The following DCUN1D5 variants were observed in gnomAD, a reference collection of about 807,000 sequenced individuals.
DCUN1D5 encodes the protein DCN1-like protein 5.
A neutral mutation model predicts 38.3 loss-of-function variants in DCUN1D5; 10 were observed. That is an observed-to-expected ratio of 0.26 (90% confidence interval 0.16 to 0.44). The LOEUF is 0.44. Among genes scored for constraint, DCUN1D5 ranks in the 20% least tolerant of loss-of-function variants. The pLI, the probability that DCUN1D5 is intolerant of heterozygous loss-of-function variation, is 1.00. For synonymous variants in DCUN1D5, 93 were observed against 90.9 expected (o/e 1.02, Z -0.13); for missense variants, 148 against 275.3 (o/e 0.54, Z 3.27).
chr11:103,090,481 T>G (rs1006165032), intron 1 of DCUN1D5, among the ~76,000 whole-genome samples: 3 of 152,204 alleles, frequency 2.0e-5, no homozygotes, highest in African/African-American at 7.2e-5. Context: ...TTTAAGCAGA[T>G]CTCTCTTTAA....
chr11:103,076,207 C>T (rs191451985), intron 4 of DCUN1D5, among the ~76,000 whole-genome samples: 65 of 152,128 alleles, frequency 4.3e-4, no homozygotes, highest in African/African-American at 1.4e-3. Flanking sequence ...CAGGACCTGA[C>T]ATATAGCACT....
intron 2 of DCUN1D5, among the ~76,000 whole-genome samples, chr11:103,088,595 A>G (rs1591230952): frequency 1.3e-5 from 2 of 152,148 alleles, no homozygotes; most frequent in East Asian, 3.9e-4. Context: ...CTCCCATGAC[A>G]CTTTAAAAGC....
Position 103,057,779 on chromosome 11 carries a change from C to T in DCUN1D5, c.*4580G>A, listed in dbSNP as rs912594327. ...TATTCTACACAAAACACACACAGCTCACAGAGTTTTGGGGAAATCTGGCTC... is the reference window on the plus strand; with the variant it reads ...TATTCTACACAAAACACACACAGCTTACAGAGTTTTGGGGAAATCTGGCTC... On this transcript the variant is annotated 3_prime_UTR_variant, in exon 8 of 8. Transcript: ENST00000260247. This position sits in a 1 kb window ranked among gnomAD's most constrained non-coding sequence, Gnocchi z 4.8. Among the ~76,000 whole-genome samples the T allele has an allele frequency of 1.3e-5, 2 of 151,868 alleles. No individual in the cohort carries two copies. The highest frequency in any genetic ancestry group is 4.8e-5 in the African/African-American group (2 of 41,316).
chr11:103,068,945 G>A (rs1028958332), intron 4 of DCUN1D5, among the ~76,000 whole-genome samples: 6 of 152,088 alleles, frequency 3.9e-5, no homozygotes, highest in African/African-American at 1.2e-4. Context: ...GAGTGACAGG[G>A]ATAGAAATTT....
In DCUN1D5 at chr11:103,060,363, G is replaced by T. The variant is rs150291987; in HGVS notation, c.*1996C>A. Among the ~76,000 whole-genome samples the T allele has an allele frequency of 4.5e-4, 69 of 152,254 alleles. No homozygotes were observed. In the East Asian group the frequency reaches 0.013, roughly 28 times the overall value. ...TGCAAAGTAAATACTGTTGACCCTT[G>T]AACAGCATGAGTTTGAACTGTGTGG... On this transcript the variant is annotated 3_prime_UTR_variant, in exon 8 of 8. Transcript: ENST00000260247.
rs944260382 is a variant in DCUN1D5, at chr11:103,077,954, A to G, written c.341+4794T>C. Among the ~76,000 whole-genome samples, 3 of 152,156 alleles carry G rather than the reference A, an allele frequency of 2.0e-5. No homozygotes were observed. The highest frequency in any genetic ancestry group is 7.2e-5 in the African/African-American group (3 of 41,438). On this transcript the variant is annotated intron_variant, in intron 4 of 7. Transcript: ENST00000260247. This position sits in a 1 kb window ranked among gnomAD's most constrained non-coding sequence, Gnocchi z 4.3. ...TAGTTGGGCCCCAAATGCTAAATGA[A>G]TGACAGTCACATCACACACGATGGC... is the stretch of plus-strand genomic sequence containing the variant.
chr11:103,083,066 A>G lies in DCUN1D5; in HGVS notation c.249+190T>C, dbSNP rs1033997024. 2.0e-5 allele frequency among the ~76,000 whole-genome samples: 3 copies of G among 152,064 alleles called. No individual in the cohort carries two copies. Among genetic ancestry groups the G allele is most frequent in the Non-Finnish European group, 4.4e-5 (3 of 67,880 alleles). Reference sequence around the variant, plus strand: ...GGTAGAATCTCTTATTCTATTACATATAACATTTGTATCAAGAAAGAATAC... The same window carrying G: ...GGTAGAATCTCTTATTCTATTACATGTAACATTTGTATCAAGAAAGAATAC... On this transcript the variant is annotated intron_variant, in intron 3 of 7. Transcript: ENST00000260247. This position sits in a 1 kb window ranked among gnomAD's most constrained non-coding sequence, Gnocchi z 4.4.
intron 1 of DCUN1D5, among the ~76,000 whole-genome samples, chr11:103,090,670 TGGGAGGCC>T (rs924231223): frequency 1.3e-5 from 2 of 152,186 alleles, no homozygotes; most frequent in Admixed American, 6.5e-5. Context: ...CCCAGCACTT[TGGGAGGCC>T]GAGGCGGGCG....
At chr11:103,072,337 A>ACTAGATCTAGATCTAGATCTAGAT (rs59688664) in intron 4 of DCUN1D5, among the ~76,000 whole-genome samples, 37 of 145,774 alleles carry the variant, frequency 2.5e-4, no homozygotes, top group Non-Finnish European at 3.4e-4. Context: ...AGGATCTAGA[A>ACTAGATCTAGATCTAGATCTAGAT]CTAGATCTAG....
Position 103,091,843 on chromosome 11 carries a change from A to C in DCUN1D5, c.30T>G (p.Pro10=), listed in dbSNP as rs753528464. MPVKKKRKS[P]GVAAAVAEDG... is the part of the protein sequence containing the mutation. ...CTTCCGCTACTGCTGCTGCCACCCC[A>C]GGGGATTTTCTCTTCTTCTTCACCG... The change falls in exon 1 of 8, where the codon CCT becomes CCG. Residue 10 remains proline, a synonymous_variant. Transcript: ENST00000260247. This position sits in a 1 kb window ranked among gnomAD's most constrained non-coding sequence, Gnocchi z 4.3. 93 of 1,613,814 alleles carry C rather than the reference A, an allele frequency of 5.8e-5. No homozygotes were observed. The highest frequency in any genetic ancestry group is 6.9e-5 in the Non-Finnish European group (82 of 1,179,882).
At chr11:103,075,051 G>A (rs1313401084) in intron 4 of DCUN1D5, among the ~76,000 whole-genome samples, 9 of 152,196 alleles carry the variant, frequency 5.9e-5, no homozygotes, top group Admixed American at 5.9e-4. Context: ...AAATCTGCAA[G>A]ACAGAAGATG....
chr11:103,075,635 C>T (rs1862390400), intron 4 of DCUN1D5, among the ~76,000 whole-genome samples: 1 of 152,144 alleles, frequency 6.6e-6, no homozygotes, highest in African/African-American at 2.4e-5. Context: ...CCGCCTCAAA[C>T]CCCAAAGTGC....
rs1288033109 is a variant in DCUN1D5, at chr11:103,071,146, G to A, written c.342-4579C>T. 6.6e-6 allele frequency among the ~76,000 whole-genome samples: 1 copy of A among 151,930 alleles called. No homozygotes were observed. The highest frequency in any genetic ancestry group is 1.5e-5 in the Non-Finnish European group (1 of 67,944). On this transcript the variant is annotated intron_variant, in intron 4 of 7. Transcript: ENST00000260247. The surrounding 1 kb of genome is among the most constrained non-coding windows in gnomAD (Gnocchi z 4.1). The stretch of plus-strand genomic sequence containing the variant: ...TCAACAATCTAAGCTTGTACCTCTA[G>A]AACCCAGAAAAAGAAAGGCAAAATA...
rs940537333 is a variant in DCUN1D5 at position 103,059,977 on chromosome 11, CTT to C, written c.*2380_*2381del. On this transcript the variant is annotated 3_prime_UTR_variant, in exon 8 of 8. Coordinates refer to ENST00000260247, the MANE Select transcript of DCUN1D5 (RefSeq NM_032299.4). ...CAAAAAAGGAACCACAACAGTTAGA[CTT>C]TTTTATACTGCAGGGTCCTTAATAT... Among the ~76,000 whole-genome samples the C allele has an allele frequency of 2.6e-5, 4 of 152,112 alleles. No individual in the cohort carries two copies. Among genetic ancestry groups the C allele is most frequent in the Non-Finnish European group, 5.9e-5 (4 of 68,020 alleles).
chr11:103,072,633 C>T (rs773684758), intron 4 of DCUN1D5, among the ~76,000 whole-genome samples: 8 of 151,828 alleles, frequency 5.3e-5, no homozygotes, highest in South Asian at 2.1e-4. Flanking sequence ...AAGCTAGAAA[C>T]CATCATTCTG....
chr11:103,088,326 T>TAAA (rs1008682073), intron 2 of DCUN1D5, among the ~76,000 whole-genome samples: 3 of 151,124 alleles, frequency 2.0e-5, no homozygotes, highest in Non-Finnish European at 4.4e-5. Flanking sequence ...TGAAGCAGGT[T>TAAA]AAAAAAAAGG....
At chr11:103,070,023 T>C (rs1347578443) in intron 4 of DCUN1D5, among the ~76,000 whole-genome samples, 2 of 152,036 alleles carry the variant, frequency 1.3e-5, no homozygotes, top group Non-Finnish European at 2.9e-5. Context: ...ATGTTCAGAA[T>C]TATCTGACAC....
At chr11:103,076,975 GATCACGAGGTCAGGAGATCAAGACC>G in intron 4 of DCUN1D5, among the ~76,000 whole-genome samples, 1 of 152,154 alleles carries the variant, frequency 6.6e-6, no homozygotes, top group Admixed American at 6.5e-5. Flanking sequence ...GAGGCGGGTG[GATCACGAGGTCAGGAGATCAAGACC>G]ATCCCGGCTA....
At position 103,066,907 on chromosome 11, in the gene DCUN1D5, T is replaced by C. The variant is rs1446224590; in HGVS notation, c.342-340A>G. 6.6e-6 allele frequency among the ~76,000 whole-genome samples: 1 copy of C among 152,196 alleles called. No individual in the cohort carries two copies. ...AAACATGTTTTATCACATATACAGC[T>C]AAAAATGGCAGAGCAAATGAAACTA... On this transcript the variant is annotated intron_variant, in intron 4 of 7. Transcript: ENST00000260247. This position sits in a 1 kb window ranked among gnomAD's most constrained non-coding sequence, Gnocchi z 4.7.
Sources: gnomAD v4.1 joint callset for allele counts (sites outside exome capture counted in the v4.1 genomes callset) on GRCh38, gnomAD v4.1.1 for gene constraint, Gnocchi (gnomAD v3.1) non-coding constraint, MANE v1.5 for transcripts, NCBI Gene and HGNC (gene_info 2026-07-23, HGNC 2026-07-21) for gene names.